The following VPS53 variants were observed in gnomAD, a reference collection of about 807,000 sequenced individuals.
VPS53 encodes the protein vacuolar protein sorting-associated protein 53 homolog.
In VPS53, 70 loss-of-function variants were observed where a neutral mutation model predicts 107.0. That is an observed-to-expected ratio of 0.65 (90% CI 0.54 to 0.80). VPS53 has a LOEUF of 0.80. Ranked by LOEUF, VPS53 falls within the 30% of genes least tolerant of loss-of-function variation. The probability of loss-of-function intolerance (pLI) is 0.00; values close to 1 mark genes in which losing one functional copy is unlikely to be tolerated. For synonymous variants in VPS53, 409 were observed against 393.3 expected (o/e 1.04, Z -0.47); for missense variants, 917 against 1,049.4 (o/e 0.87, Z 1.74).
chr17:571,562 C>T (rs554506278), intron 13 of VPS53, among the ~76,000 whole-genome samples: 2 of 147,628 alleles, frequency 1.4e-5, no homozygotes, highest in East Asian at 3.9e-4. Flanking sequence ...CTCCCTCTCC[C>T]TCTCTTTCCA....
chr17:700,425 C>T (rs1325570508), intron 2 of VPS53, among the ~76,000 whole-genome samples: 2 of 152,004 alleles, frequency 1.3e-5, no homozygotes, highest in Non-Finnish European at 2.9e-5. Flanking sequence ...GTGGTGGGCA[C>T]CTGTTGTCCC....
At chr17:639,288 C>G (rs933802597) in intron 7 of VPS53, among the ~76,000 whole-genome samples, 2 of 152,210 alleles carry the variant, frequency 1.3e-5, no homozygotes, top group African/African-American at 2.4e-5. Context: ...AAGGACTTCT[C>G]TAGACTGGTT....
intron 7 of VPS53, among the ~76,000 whole-genome samples, chr17:649,951 T>C (rs554103445): frequency 6.6e-6 from 1 of 152,264 alleles, no homozygotes; most frequent in East Asian, 1.9e-4. Flanking sequence ...TGGATGCAAG[T>C]GAAGAATAAA....
rs181051608 is a variant in VPS53, at chr17:560,662, G to A, written c.1557-89C>T. On this transcript the variant is annotated intron_variant, in intron 14 of 21. Transcript: ENST00000437048. ...TACATTATTTTAAGATACAGAAAAG[G>A]GGGAAGTAAAGGCTGGACATGGCCC... The A allele has an allele frequency of 2.7e-6, 4 of 1,497,774 alleles. No homozygotes were observed. In the East Asian group the frequency reaches 9.2e-5, roughly 34 times the overall value. 92.8% of individuals were successfully genotyped at this position (1,497,774 alleles called of 1,614,324 possible). A position where few individuals can be genotyped will look rare whatever the true frequency, so the allele number is the denominator to read the frequency against.
chr17:629,809 C>CACACA (rs1290397212), intron 8 of VPS53, among the ~76,000 whole-genome samples: 14 of 140,746 alleles, frequency 9.9e-5, no homozygotes, highest in South Asian at 2.3e-4. Flanking sequence ...AAAAAAAAAA[C>CACACA]CACACACACA....
chr17:567,396 T>G (rs752795293), intron 13 of VPS53, among the ~76,000 whole-genome samples: 4 of 152,122 alleles, frequency 2.6e-5, no homozygotes, highest in Non-Finnish European at 5.9e-5. Flanking sequence ...CATGAGACAT[T>G]AGAAAATCAG....
At chr17:657,502 T>G in intron 5 of VPS53, 1 of 1,486,512 alleles carries the variant, frequency 6.7e-7, no homozygotes, top group Non-Finnish European at 9.4e-7. Context: ...ATCCAATGCT[T>G]TGGAGCTGCT....
rs1490543804 is a variant in VPS53, at chr17:551,875, G to A, written c.1863C>T (p.Ser621=). 1.9e-6 allele frequency: 3 copies of A among 1,600,118 alleles called. No individual in the cohort carries two copies. Among genetic ancestry groups the A allele is most frequent in the Non-Finnish European group, 2.6e-6 (3 of 1,172,874 alleles). The change falls in exon 17 of 22, where the codon AGC becomes AGT. Residue 621 remains serine, a synonymous_variant. Transcript: ENST00000437048. ...AACDPALTAM[S]KMQWQNVEHV... is the part of the protein sequence containing the mutation. The stretch of plus-strand genomic sequence containing the variant: ...ATGCCATTTCCCAAGACCTTACCTT[G>A]CTCATGGCAGTCAGGGCAGGATCAC...
intron 7 of VPS53, among the ~76,000 whole-genome samples, chr17:632,565 A>C (rs1361791579): frequency 6.6e-6 from 1 of 152,150 alleles, no homozygotes; most frequent in Non-Finnish European, 1.5e-5. Context: ...ACAATAAATT[A>C]TTAACCGTAG....
chr17:543,851 A>AAG (rs1910917594), intron 17 of VPS53, among the ~76,000 whole-genome samples: 1 of 12,708 alleles, frequency 7.9e-5, no homozygotes, highest in Non-Finnish European at 1.2e-4. Flanking sequence ...GAGGGAGGGA[A>AAG]GGAGGGAAGG....
At chr17:672,277 C>T (rs142573799) in intron 4 of VPS53, among the ~76,000 whole-genome samples, 73 of 152,020 alleles carry the variant, frequency 4.8e-4, no homozygotes, top group East Asian at 2.5e-3. Context: ...ATCCTTCTGG[C>T]GGTCACACTT....
At chr17:642,346 G>C (rs1970454623) in intron 7 of VPS53, among the ~76,000 whole-genome samples, 1 of 151,994 alleles carries the variant, frequency 6.6e-6, no homozygotes, top group African/African-American at 2.4e-5. Context: ...CTCATACTTG[G>C]AAAGCGAGGA....
intron 20 of VPS53, 150 bp downstream of exon 20, chr17:521,451 T>C: frequency 1.2e-6 from 1 of 830,886 alleles, no homozygotes. Flanking sequence ...TTCAACAATA[T>C]CTGATGAGGC....
In VPS53 at chr17:515,434, T is replaced by C. The variant is rs1263989775; in HGVS notation, c.*3694A>G. The C allele has an allele frequency of 6.6e-6, 1 of 152,132 alleles. No homozygotes were observed. The highest frequency in any genetic ancestry group is 1.5e-5 in the Non-Finnish European group (1 of 68,056). 9.4% of individuals were successfully genotyped at this position (152,132 alleles called of 1,614,324 possible). A position where few individuals can be genotyped will look rare whatever the true frequency, so the allele number is the denominator to read the frequency against. On this transcript the variant is annotated 3_prime_UTR_variant, in exon 22 of 22. Coordinates refer to ENST00000437048, the MANE Select transcript of VPS53 (RefSeq NM_001128159.3). ...TTAGTAAAGACAGGGTTTCACCATG[T>C]CGGCCAGGCTGGTCTCGAACTCCTG...
chr17:651,766 A>T lies in VPS53; in HGVS notation c.608+1525T>A, dbSNP rs548543949. Among the ~76,000 whole-genome samples the T allele has an allele frequency of 9.8e-4, 149 of 152,240 alleles. 1 individual carries two copies. Among genetic ancestry groups the T allele is most frequent in the African/African-American group, 3.3e-3 (139 of 41,532 alleles). On this transcript the variant is annotated intron_variant, in intron 7 of 21. Transcript: ENST00000437048. ...CTGCAAGGAAGGTTAGAATTTGTCA[A>T]TTGTGACGGTCTCTGCCTTCTCAGT... is the stretch of plus-strand genomic sequence containing the variant.
chr17:533,246 G>C (rs1429899098), intron 18 of VPS53, among the ~76,000 whole-genome samples: 1 of 152,224 alleles, frequency 6.6e-6, no homozygotes, highest in Non-Finnish European at 1.5e-5. Context: ...CAGACTGGAT[G>C]TAAGGGCTAC....
At chr17:551,802 A>C in intron 17 of VPS53, 70 bp downstream of exon 17, 4 of 1,362,466 alleles carry the variant, frequency 2.9e-6, no homozygotes. Context: ...GAAGCTACAG[A>C]CAAGGGCCAG....
chr17:560,410 A>G lies in VPS53; in HGVS notation c.1704+16T>C. ...CAGGAAAAGGAGGTGGTGAGTGGGC[A>G]GCCAGGATGGCTCACCTGCTGGGTG... On this transcript the variant is annotated intron_variant, in intron 15 of 21. Transcript: ENST00000437048. 1 of 1,605,564 alleles carries G rather than the reference A, an allele frequency of 6.2e-7. No individual in the cohort carries two copies. Among genetic ancestry groups the G allele is most frequent in the Non-Finnish European group, 8.5e-7 (1 of 1,175,388 alleles).
intron 12 of VPS53, among the ~76,000 whole-genome samples, chr17:596,757 A>G (rs1207597565): frequency 1.3e-5 from 2 of 152,208 alleles, no homozygotes; most frequent in Admixed American, 6.5e-5. Context: ...GCACCAAGCA[A>G]CTGCCCAAAG....
Sources: gnomAD v4.1 joint callset for allele counts (sites outside exome capture counted in the v4.1 genomes callset) on GRCh38, gnomAD v4.1.1 for gene constraint, MANE v1.5 for transcripts, NCBI Gene and HGNC (gene_info 2026-07-23, HGNC 2026-07-21) for gene names.